KIF26B: variants seen among roughly 807,000 people sequenced by gnomAD.
The protein encoded by KIF26B is kinesin-like protein KIF26B.
Under a neutral mutation model 151.2 loss-of-function variants are expected in KIF26B, and 63 were observed. The ratio of observed to expected loss-of-function variants is 0.42; its 90% CI spans 0.34 to 0.51. The LOEUF (loss-of-function observed/expected upper bound fraction) is 0.51, where lower values mean the gene tolerates loss of function less well. KIF26B is among the 20% of genes least tolerant of loss of function. The pLI is 0.07. For synonymous variants in KIF26B, 1,357 were observed against 1,262.1 expected (o/e 1.08, Z -1.59); for missense variants, 2,813 against 2,913.6 (o/e 0.97, Z 0.79).
At chr1:245,399,172 G>A (rs1161515354) in intron 3 of KIF26B, among the ~76,000 whole-genome samples, 1 of 152,098 alleles carries the variant, frequency 6.6e-6, no homozygotes, top group Admixed American at 6.5e-5. Context: ...CTCTTTTTGA[G>A]GGTCTTTTAA....
chr1:245,286,944 CTAAAAA>C, intron 2 of KIF26B, among the ~76,000 whole-genome samples: 1 of 152,172 alleles, frequency 6.6e-6, no homozygotes, highest in Non-Finnish European at 1.5e-5. Flanking sequence ...CCCATCTCTA[CTAAAAA>C]TACAAAAAAT....
Position 245,227,842 on chromosome 1 carries a change from A to G in KIF26B, c.465+71159A>G, listed in dbSNP as rs1669905882. Among the ~76,000 whole-genome samples, 1 of 152,074 alleles carries G rather than the reference A, an allele frequency of 6.6e-6. No homozygotes were observed. Among genetic ancestry groups the G allele is most frequent in the Non-Finnish European group, 1.5e-5 (1 of 68,000 alleles). ...ATGGTGGAACCCCATCTCTACTAAA[A>G]ATACAAAAAATTAGCCGGGCATGGT... On this transcript the variant is annotated intron_variant, in intron 2 of 14. Transcript: ENST00000407071. The surrounding 1 kb of genome is among the most constrained non-coding windows in gnomAD (Gnocchi z 4.1).
chr1:245,405,899 A>G (rs1674124834), intron 3 of KIF26B, among the ~76,000 whole-genome samples: 1 of 152,094 alleles, frequency 6.6e-6, no homozygotes, highest in African/African-American at 2.4e-5. Context: ...CCATTGCATT[A>G]CTCTGGAACA....
intron 4 of KIF26B, among the ~76,000 whole-genome samples, chr1:245,468,783 A>T (rs1318502337): frequency 6.6e-6 from 1 of 152,158 alleles, no homozygotes; most frequent in East Asian, 1.9e-4. Context: ...ACTGCCAGTA[A>T]AACTCGATCT....
chr1:245,540,921 A>G lies in KIF26B; in HGVS notation c.1321A>G (p.Lys441Glu), dbSNP rs1291452772. The change falls in exon 5 of 15, where the codon AAG (lysine) becomes GAG (glutamate). Residue 441 changes from lysine (K) to glutamate (E), a missense_variant. By Grantham distance (56) the Lys-to-Glu change is moderately conservative. Transcript: ENST00000407071. The surrounding 1 kb of genome is among the most constrained non-coding windows in gnomAD (Gnocchi z 4.6). The stretch of plus-strand genomic sequence containing the variant: ...ACCCTGCCTGCTGAGGGCTGTCAAC[A>G]AGGTGAAGGACACCCCGGGGCTGGG... Reference protein sequence around the residue: ...APPCLLRAVNKVKDTPGLGKV... With the variant: ...APPCLLRAVNEVKDTPGLGKV... 1 of 1,613,636 alleles carries G rather than the reference A, an allele frequency of 6.2e-7. No individual in the cohort carries two copies. The highest frequency in any genetic ancestry group is 8.5e-7 in the Non-Finnish European group (1 of 1,179,710).
At chr1:245,290,175 T>TTGAATGAATGAA (rs66484653) in intron 2 of KIF26B, among the ~76,000 whole-genome samples, 2 of 43,424 alleles carry the variant, frequency 4.6e-5, no homozygotes, top group Admixed American at 6.9e-4. Context: ...CAAACCTTTA[T>TTGAATGAATGAA]TGAATGAATG....
rs1268998197 is a variant in KIF26B, at chr1:245,166,618, C to G, written c.465+9935C>G. 6.6e-6 allele frequency among the ~76,000 whole-genome samples: 1 copy of G among 152,196 alleles called. No individual in the cohort carries two copies. Among genetic ancestry groups the G allele is most frequent in the Non-Finnish European group, 1.5e-5 (1 of 68,050 alleles). ...TTCGGCTCCGGGGAATGAGGGAGAG[C>G]AGATTTCCTCCAGTGACTGCGCATG... On this transcript the variant is annotated intron_variant, in intron 2 of 14. Coordinates refer to ENST00000407071, the MANE Select transcript of KIF26B (RefSeq NM_018012.4). This position sits in a 1 kb window ranked among gnomAD's most constrained non-coding sequence, Gnocchi z 4.5.
chr1:245,249,057 G>T (rs1182108918), intron 2 of KIF26B, among the ~76,000 whole-genome samples: 1 of 152,168 alleles, frequency 6.6e-6, no homozygotes, highest in Non-Finnish European at 1.5e-5. Context: ...GTTAGAGGAG[G>T]TAATGTGGCA....
Position 245,182,459 on chromosome 1 carries a change from G to A in KIF26B, c.465+25776G>A, listed in dbSNP as rs913954221. 1.6e-4 allele frequency among the ~76,000 whole-genome samples: 24 copies of A among 152,084 alleles called. 1 individual carries two copies. The highest frequency in any genetic ancestry group is 3.3e-4 in the Admixed American group (5 of 15,272). On this transcript the variant is annotated intron_variant, in intron 2 of 14. Coordinates refer to ENST00000407071, the MANE Select transcript of KIF26B (RefSeq NM_018012.4). Reference sequence around the variant, plus strand: ...CCACTGTATAAACATACCACATGCTGTATATCCATTCACCAGTCGATGGCT... The same window carrying A: ...CCACTGTATAAACATACCACATGCTATATATCCATTCACCAGTCGATGGCT...
intron 1 of KIF26B, among the ~76,000 whole-genome samples, chr1:245,155,911 A>C (rs1029604432): frequency 1.3e-5 from 2 of 149,290 alleles, no homozygotes; most frequent in African/African-American, 2.5e-5. Context: ...TACCCCCCCC[A>C]TAGGGTCTTC....
chr1:245,521,278 A>G (rs1198222423), intron 4 of KIF26B, among the ~76,000 whole-genome samples: 2 of 151,770 alleles, frequency 1.3e-5, no homozygotes, highest in East Asian at 3.9e-4. Flanking sequence ...CGGAGCTTGC[A>G]GTGAGCCGAG....
At position 245,495,345 on chromosome 1, in the gene KIF26B, T is replaced by A. The variant is rs1321622539; in HGVS notation, c.1167-45422T>A. ...ATATATTTTTCTTTTTCTTTTTAGT[T>A]GACACATAATAATTGTACATATTTG... On this transcript the variant is annotated intron_variant, in intron 4 of 14. Transcript: ENST00000407071. This position sits in a 1 kb window ranked among gnomAD's most constrained non-coding sequence, Gnocchi z 4.2. Among the ~76,000 whole-genome samples the A allele has an allele frequency of 6.6e-6, 1 of 152,158 alleles. No individual in the cohort carries two copies. The highest frequency in any genetic ancestry group is 2.4e-5 in the African/African-American group (1 of 41,440).
At chr1:245,533,305 C>T (rs1030629983) in intron 4 of KIF26B, among the ~76,000 whole-genome samples, 23 of 152,116 alleles carry the variant, frequency 1.5e-4, no homozygotes, top group African/African-American at 2.4e-4. Context: ...TGTCCTGGGT[C>T]GGGACCCTTT....
intron 9 of KIF26B, among the ~76,000 whole-genome samples, chr1:245,631,577 C>A (rs1012773593): frequency 2.6e-5 from 4 of 151,962 alleles, no homozygotes; most frequent in Admixed American, 1.3e-4. Context: ...ATATTGGTAT[C>A]TCATTTTGGT....
At chr1:245,595,862 G>T (rs2043331971) in intron 5 of KIF26B, among the ~76,000 whole-genome samples, 1 of 152,132 alleles carries the variant, frequency 6.6e-6, no homozygotes, top group African/African-American at 2.4e-5. Flanking sequence ...TCTATTCAGG[G>T]ATTCGACTTC....
intron 4 of KIF26B, among the ~76,000 whole-genome samples, chr1:245,479,915 A>G (rs1334092971): frequency 1.3e-5 from 2 of 151,800 alleles, no homozygotes; most frequent in African/African-American, 4.8e-5. Flanking sequence ...GGATTCGTGG[A>G]TAAGGATTGC....
intron 6 of KIF26B, among the ~76,000 whole-genome samples, chr1:245,605,869 C>T (rs1422970158): frequency 3.9e-5 from 6 of 152,168 alleles, no homozygotes; most frequent in South Asian, 2.1e-4. Context: ...GGCCTCTGCA[C>T]GGGTGACTCA....
rs548043166 is a variant in KIF26B, at chr1:245,218,227, G to A, written c.465+61544G>A. Among the ~76,000 whole-genome samples the A allele has an allele frequency of 3.7e-4, 56 of 152,260 alleles. No individual in the cohort carries two copies. Among genetic ancestry groups the A allele is most frequent in the African/African-American group, 1.3e-3 (54 of 41,546 alleles). The stretch of plus-strand genomic sequence containing the variant: ...CCAGAGCAGTGACATTCGGGCCCTC[G>A]GGGGCAGACTGTGCCTGTGGCTTCT... On this transcript the variant is annotated intron_variant, in intron 2 of 14. Coordinates refer to ENST00000407071, the MANE Select transcript of KIF26B (RefSeq NM_018012.4). This position sits in a 1 kb window ranked among gnomAD's most constrained non-coding sequence, Gnocchi z 4.1.
chr1:245,161,568 GTAATAA>G, intron 2 of KIF26B, among the ~76,000 whole-genome samples: 1 of 152,202 alleles, frequency 6.6e-6, no homozygotes, highest in East Asian at 1.9e-4. Context: ...AGCGATGATA[GTAATAA>G]TAATAATATG....
Sources: allele counts gnomAD v4.1 joint callset (sites outside exome capture counted in the v4.1 genomes callset), GRCh38; gene constraint gnomAD v4.1.1; non-coding constraint Gnocchi (gnomAD v3.1); transcripts MANE v1.5; gene names NCBI Gene and HGNC (gene_info 2026-07-23, HGNC 2026-07-21).